The following AKR1C4 variants were observed in gnomAD, a reference collection of about 807,000 sequenced individuals.
The protein encoded by AKR1C4 is aldo-keto reductase family 1 member C4, also known as 3-alpha-HSD1.
AKR1C4 carries 44 observed loss-of-function variants against 41.0 expected under a neutral mutation model. That is an observed-to-expected ratio of 1.07 (90% CI 0.84 to 1.38). AKR1C4 has a LOEUF of 1.38. Among genes scored for constraint, AKR1C4 ranks in the 40% most tolerant of loss-of-function variants. AKR1C4 has a pLI of 0.00. For synonymous variants in AKR1C4, 165 were observed against 137.7 expected, an observed-to-expected ratio of 1.20 and a Z score of -1.39; for missense variants, 438 against 387.9, an observed-to-expected ratio of 1.13 and a Z score of -1.09.
In AKR1C4 at chr10:5,196,910, T is replaced by C; in HGVS notation, c.43T>C (p.Phe15Leu). ...YQRVELNDGH[F>L]MPVLGFGTYA... ...GCGTGTAGAGCTAAATGATGGTCACTTCATGCCCGTATTGGGATTTGGCAC... is the reference window on the plus strand; with the variant it reads ...GCGTGTAGAGCTAAATGATGGTCACCTCATGCCCGTATTGGGATTTGGCAC... The change falls in exon 1 of 9, where the codon TTC becomes CTC. Residue 15 changes from phenylalanine (F) to leucine (L), a missense_variant. By Grantham distance (22) the Phe-to-Leu change is conservative (BLOSUM62 0). Transcript: ENST00000263126. The C allele has an allele frequency of 6.2e-7, 1 of 1,613,742 alleles. No homozygotes were observed. Among genetic ancestry groups the C allele is most frequent in the Non-Finnish European group, 8.5e-7 (1 of 1,179,810 alleles).
At chr10:5,197,045 C>A in intron 1 of AKR1C4, 94 bp downstream of exon 1, 2 of 1,195,498 alleles carry the variant, frequency 1.7e-6, no homozygotes, top group Non-Finnish European at 2.5e-6. Flanking sequence ...GTTTCTGTTA[C>A]CCTGAGTGAC....
intron 1 of AKR1C4, among the ~76,000 whole-genome samples, 163 bp from the exon 2 acceptor site, chr10:5,200,018 A>G (rs1554796711): frequency 6.6e-6 from 1 of 152,096 alleles, no homozygotes; most frequent in Non-Finnish European, 1.5e-5. Flanking sequence ...TAGTCCCACA[A>G]CCTGCCCCCA....
intron 5 of AKR1C4, chr10:5,207,254 G>T: frequency 4.6e-6 from 1 of 216,662 alleles, no homozygotes; most frequent in Non-Finnish European, 9.5e-6. Context: ...TGTTTGAACT[G>T]TGCTAGAAGA....
chr10:5,206,133 C>T, intron 4 of AKR1C4, 142 bp from the exon 5 acceptor site: 1 of 1,412,698 alleles, frequency 7.1e-7, no homozygotes. Context: ...CTTTTGTTAT[C>T]TGTTGTAATT....
At chr10:5,207,270 T>G in intron 5 of AKR1C4, 1 of 237,056 alleles carries the variant, frequency 4.2e-6, no homozygotes, top group Non-Finnish European at 8.6e-6. Flanking sequence ...GAAGAACTGT[T>G]TTATACAGGC....
rs1832367455 is a variant in AKR1C4, at chr10:5,199,738, TTCC to T, written c.85-442_85-440del. ...CGTTCCTACTCCATCCCCTTCTGACTTCCCCCCAAGCTACCTCCACTCAATGAA... is the reference window on the plus strand; with the variant it reads ...CGTTCCTACTCCATCCCCTTCTGACTCCCCAAGCTACCTCCACTCAATGAA... On this transcript the variant is annotated intron_variant, in intron 1 of 8. Coordinates refer to ENST00000263126, the MANE Select transcript of AKR1C4 (RefSeq NM_001818.5). 2.0e-5 allele frequency among the ~76,000 whole-genome samples: 3 copies of T among 152,202 alleles called. No homozygotes were observed. The South Asian group carries it at 6.2e-4, about 32-fold the overall frequency.
chr10:5,206,782 G>C, intron 5 of AKR1C4, among the ~76,000 whole-genome samples: 1 of 124,218 alleles, frequency 8.1e-6, no homozygotes. Context: ...AAAAACATGG[G>C]ATGAGCAATA....
At chr10:5,212,532 A>T in intron 5 of AKR1C4, 84 bp from the exon 6 acceptor site, 1 of 1,222,474 alleles carries the variant, frequency 8.2e-7, no homozygotes, top group South Asian at 1.6e-5. Context: ...ATTTAATGTT[A>T]TACTTTATTC....
chr10:5,215,382 T>TA (rs150164929), intron 7 of AKR1C4, among the ~76,000 whole-genome samples: 4,161 of 152,018 alleles, frequency 0.027, 184 homozygotes, highest in African/African-American at 0.095. Flanking sequence ...TGTGCTGCTG[T>TA]AAAAAAAATA....
At position 5,202,955 on chromosome 10, in the gene AKR1C4, G is replaced by T. The variant is rs1282501924; in HGVS notation, c.253-1422G>T. ...AGTTTTCTTTTGTGTGTGTGTGTGT[G>T]TGTGTGTGTGTGTGTGTGTGTGTGT... is the stretch of plus-strand genomic sequence containing the variant. On this transcript the variant is annotated intron_variant, in intron 2 of 8. Coordinates refer to ENST00000263126, the MANE Select transcript of AKR1C4 (RefSeq NM_001818.5). Among the ~76,000 whole-genome samples, 211 of 125,320 alleles carry T rather than the reference G, an allele frequency of 1.7e-3. 2 individuals are homozygous for T. Among genetic ancestry groups the T allele is most frequent in the Non-Finnish European group, 2.8e-3 (161 of 57,752 alleles). The allele number at this position is 125,320 out of a possible 152,430, so 82.2% of individuals were successfully genotyped here.
intron 1 of AKR1C4, 123 bp downstream of exon 1, chr10:5,197,074 T>C (rs1564398964): frequency 1.1e-6 from 1 of 903,100 alleles, no homozygotes; most frequent in Non-Finnish European, 1.8e-6. Context: ...TCTGTCTTAC[T>C]GGGCTAGAGC....
chr10:5,210,975 T>A (rs143200081), intron 5 of AKR1C4, among the ~76,000 whole-genome samples: 3 of 152,334 alleles, frequency 2.0e-5, no homozygotes, highest in African/African-American at 7.2e-5. Context: ...TGCCAAGGCT[T>A]GGGACTTGCA....
chr10:5,211,792 A>AG (rs1832579058), intron 5 of AKR1C4, among the ~76,000 whole-genome samples: 1 of 152,306 alleles, frequency 6.6e-6, no homozygotes, highest in Middle Eastern at 3.4e-3. Context: ...GTGGGGAAAA[A>AG]GGGGAGTTTA....
chr10:5,204,425 A>G lies in AKR1C4; in HGVS notation c.301A>G (p.Ser101Gly). 6.2e-7 allele frequency: 1 copy of G among 1,614,064 alleles called. No homozygotes were observed. The highest frequency in any genetic ancestry group is 8.5e-7 in the Non-Finnish European group (1 of 1,179,948). ...QPQMVQPALE[S>G]SLKKLQLDYV... is the part of the protein sequence containing the mutation. ...ACAGATGGTCCAACCAGCCTTGGAA[A>G]GCTCACTGAAAAAACTTCAACTGGA... The change falls in exon 3 of 9, where the codon AGC becomes GGC. Residue 101 changes from serine (S) to glycine (G), a missense_variant. Ser to Gly is a moderately conservative substitution (Grantham distance 56). Coordinates refer to ENST00000263126, the MANE Select transcript of AKR1C4 (RefSeq NM_001818.5).
At chr10:5,199,091 G>T (rs782316468) in intron 1 of AKR1C4, among the ~76,000 whole-genome samples, 1 of 152,176 alleles carries the variant, frequency 6.6e-6, no homozygotes, top group Non-Finnish European at 1.5e-5. Flanking sequence ...TGAGGTTGTT[G>T]TTGGGAAACT....
chr10:5,212,266 T>C (rs568038607), intron 5 of AKR1C4, among the ~76,000 whole-genome samples: 111 of 152,328 alleles, frequency 7.3e-4, no homozygotes, highest in Middle Eastern at 3.4e-3. Context: ...TTTTCTCTTT[T>C]AAACCTGCCC....
chr10:5,205,331 A>C (rs1832467368), intron 3 of AKR1C4, among the ~76,000 whole-genome samples: 1 of 152,166 alleles, frequency 6.6e-6, no homozygotes, highest in African/African-American at 2.4e-5. Context: ...CCATTTGAAC[A>C]TGTTTAGTTT....
intron 1 of AKR1C4, 59 bp downstream of exon 1, chr10:5,197,010 G>C (rs868906429): frequency 2.0e-6 from 3 of 1,535,774 alleles, no homozygotes; most frequent in Admixed American, 1.7e-5. Context: ...ATAAGTGAAC[G>C]ATGACCTGGG....
At chr10:5,201,504 C>T (rs1832400453) in intron 2 of AKR1C4, among the ~76,000 whole-genome samples, 1 of 152,148 alleles carries the variant, frequency 6.6e-6, no homozygotes, top group Non-Finnish European at 1.5e-5. Flanking sequence ...GATAATCAGT[C>T]CTTTGCTGGA....
Sources: allele counts gnomAD v4.1 joint callset (sites outside exome capture counted in the v4.1 genomes callset), GRCh38; gene constraint gnomAD v4.1.1; transcripts MANE v1.5; gene names NCBI Gene and HGNC (gene_info 2026-07-23, HGNC 2026-07-21).